The following ADGRG3 variants were observed in gnomAD, a reference collection of about 807,000 sequenced individuals.
ADGRG3 encodes adhesion G protein-coupled receptor G3.
A neutral mutation model predicts 54.3 loss-of-function variants in ADGRG3; 39 were observed. That is an observed-to-expected ratio of 0.72 (90% CI 0.56 to 0.94). ADGRG3 has a LOEUF of 0.94. Ranked by LOEUF, ADGRG3 falls within the 40% of genes least tolerant of loss-of-function variation. The pLI is 0.00. For missense variants in ADGRG3, 654 were observed against 694.6 expected (o/e 0.94, Z 0.66); for synonymous variants, 312 against 290.0 (o/e 1.08, Z -0.77).
intron 4 of ADGRG3, chr16:57,678,558 C>G: frequency 1.8e-6 from 1 of 558,810 alleles, no homozygotes; most frequent in Non-Finnish European, 3.2e-6. Context: ...TGCCCTTTGG[C>G]TTGTCTATGT....
intron 2 of ADGRG3, 69 bp downstream of exon 2, chr16:57,673,537 G>A (rs2048201138): frequency 1.4e-6 from 2 of 1,437,334 alleles, no homozygotes; most frequent in South Asian, 2.5e-5. Context: ...GGAAGGGATG[G>A]GGCCATCTTC....
In ADGRG3 at chr16:57,678,827, G is replaced by A. The variant is rs370784182; in HGVS notation, c.493-350G>A. On this transcript the variant is annotated intron_variant, in intron 4 of 11. Coordinates refer to ENST00000333493, the MANE Select transcript of ADGRG3 (RefSeq NM_170776.5). Reference sequence around the variant, plus strand: ...TCCTTTCTACCGAATGCACACTCACGCTAAGACCCTCAGGGGCACGCTATC... The same window carrying A: ...TCCTTTCTACCGAATGCACACTCACACTAAGACCCTCAGGGGCACGCTATC... 7.3e-5 allele frequency: 27 copies of A among 367,494 alleles called. 1 individual carries two copies. Among genetic ancestry groups the A allele is most frequent in the South Asian group, 3.6e-4 (12 of 33,426 alleles). 22.8% of individuals were successfully genotyped at this position (367,494 alleles called of 1,614,324 possible).
At chr16:57,687,886 T>C (rs2048503908) in intron 11 of ADGRG3, among the ~76,000 whole-genome samples, 1 of 152,228 alleles carries the variant, frequency 6.6e-6, no homozygotes, top group Non-Finnish European at 1.5e-5. Context: ...TATACTTGAA[T>C]TGCCCATTGA....
chr16:57,684,669 G>A (rs746209258), intron 10 of ADGRG3, among the ~76,000 whole-genome samples, 186 bp downstream of exon 10: 4 of 152,140 alleles, frequency 2.6e-5, no homozygotes, highest in East Asian at 1.9e-4. Context: ...AGAGAGAGAG[G>A]GGAAGTGAAA....
At chr16:57,679,776 T>C in intron 5 of ADGRG3, 40 bp from the exon 6 acceptor site, 1 of 1,574,906 alleles carries the variant, frequency 6.3e-7, no homozygotes, top group South Asian at 1.1e-5. Flanking sequence ...CCCCCAAACT[T>C]CCCTTTTCCT....
chr16:57,678,438 T>C (rs916540031), intron 4 of ADGRG3, 122 bp downstream of exon 4: 3 of 946,330 alleles, frequency 3.2e-6, no homozygotes, highest in Middle Eastern at 2.5e-4. Flanking sequence ...GTGAGCCTCT[T>C]AGTGTTTCTA....
rs1369560734 is a variant in ADGRG3, at chr16:57,685,848, G to A, written c.1462G>A (p.Val488Met). Residue 488 changes from valine (V) to methionine (M), a missense_variant, in exon 11 of 12, where the codon GTG (valine) becomes ATG (methionine). Transcript: ENST00000333493. ...TLLGLSSLVG[V>M]TWGLAIFTPL... ...GCTGGGCCTCTCGAGCCTGGTGGGT[G>A]TGACATGGGGGTTGGCCATCTTCAC... 4.3e-6 allele frequency: 7 copies of A among 1,614,080 alleles called. No homozygotes were observed. The African/African-American group carries it at 5.3e-5, about 12-fold the overall frequency.
rs1238674530 is a variant in ADGRG3 at position 57,680,352 on chromosome 16, T to A, written c.755T>A (p.Phe252Tyr). The A allele has an allele frequency of 6.2e-7, 1 of 1,612,782 alleles. No individual in the cohort carries two copies. The highest frequency in any genetic ancestry group is 1.1e-5 in the South Asian group (1 of 91,008). Residue 252 changes from phenylalanine to tyrosine, a missense_variant, in exon 7 of 12, where the codon TTC becomes TAC. Coordinates refer to ENST00000333493, the MANE Select transcript of ADGRG3 (RefSeq NM_170776.5). ...TVCCCDHLTF[F>Y]ALLLRPTLDQ... ...TGCTGCTGTGACCACCTGACCTTTT[T>A]CGCCCTGCTCCTGGTAACAGCCCCC...
At chr16:57,668,670 G>A (rs1183115321) in intron 1 of ADGRG3, among the ~76,000 whole-genome samples, 12 of 152,054 alleles carry the variant, frequency 7.9e-5, no homozygotes, top group African/African-American at 2.4e-4. Context: ...AGGGGAGGTC[G>A]GAGGGTGCTC....
chr16:57,682,304 TG>T (rs1181259750), intron 8 of ADGRG3, among the ~76,000 whole-genome samples: 1 of 152,174 alleles, frequency 6.6e-6, no homozygotes, highest in African/African-American at 2.4e-5. Context: ...TGGGGGTCCC[TG>T]GGGGTGGCCT....
chr16:57,684,350 T>C (rs1009661229), intron 9 of ADGRG3, 40 bp from the exon 10 acceptor site: 1 of 1,581,726 alleles, frequency 6.3e-7, no homozygotes, highest in Non-Finnish European at 8.7e-7. Context: ...GAAGTGCCAG[T>C]AAGCCCCAGT....
chr16:57,674,429 T>A (rs1178494058), intron 2 of ADGRG3, among the ~76,000 whole-genome samples: 1 of 152,208 alleles, frequency 6.6e-6, no homozygotes, highest in East Asian at 1.9e-4. Flanking sequence ...ATAACTCTTC[T>A]GGGATGCCTA....
At chr16:57,678,049 C>G in intron 3 of ADGRG3, 121 bp from the exon 4 acceptor site, 1 of 1,214,616 alleles carries the variant, frequency 8.2e-7, no homozygotes, top group Non-Finnish European at 1.2e-6. Context: ...CCTCTCAGAG[C>G]TGACAGTCCC....
intron 8 of ADGRG3, among the ~76,000 whole-genome samples, chr16:57,683,373 C>T (rs781396911): frequency 6.6e-6 from 1 of 152,176 alleles, no homozygotes; most frequent in Non-Finnish European, 1.5e-5. Flanking sequence ...TATGCATGAA[C>T]CTTAAGTAGC....
chr16:57,685,283 G>A (rs1228669943), intron 10 of ADGRG3, among the ~76,000 whole-genome samples: 1 of 152,198 alleles, frequency 6.6e-6, no homozygotes, highest in African/African-American at 2.4e-5. Context: ...CATCTAATTA[G>A]CGGTCAGTTA....
chr16:57,675,079 C>CAAAA (rs372902215), intron 2 of ADGRG3, among the ~76,000 whole-genome samples: 1 of 138,626 alleles, frequency 7.2e-6, no homozygotes, highest in African/African-American at 2.7e-5. Context: ...TCACAGTAGC[C>CAAAA]AAAAAAAAAA....
At chr16:57,666,348 G>A (rs1161639291), upstream of ADGRG3, among the ~76,000 whole-genome samples, 3 of 152,218 alleles carry the variant, frequency 2.0e-5, no homozygotes, top group Non-Finnish European at 4.4e-5. Context: ...ACCTTCTCAG[G>A]TAGGCCCTGC....
upstream of ADGRG3, among the ~76,000 whole-genome samples, chr16:57,666,647 G>A (rs757122358): frequency 6.6e-6 from 1 of 151,816 alleles, no homozygotes; most frequent in East Asian, 1.9e-4. Context: ...CCCTGGGGTT[G>A]GGGGGGGTCT....
At chr16:57,676,001 A>G (rs2048255920) in intron 2 of ADGRG3, among the ~76,000 whole-genome samples, 199 bp from the exon 3 acceptor site, 1 of 152,246 alleles carries the variant, frequency 6.6e-6, no homozygotes, top group Non-Finnish European at 1.5e-5. Flanking sequence ...AGACAAACAC[A>G]TAAAATACTC....
Sources: allele counts gnomAD v4.1 joint callset (sites outside exome capture counted in the v4.1 genomes callset), GRCh38; gene constraint gnomAD v4.1.1; transcripts MANE v1.5; gene names NCBI Gene and HGNC (gene_info 2026-07-23, HGNC 2026-07-21).